Variants in AHCYL1 observed in about 807,000 individuals in gnomAD.
The protein encoded by AHCYL1 is adenosylhomocysteinase like 1, also known as S-adenosylhomocysteine hydrolase-like protein 1.
Under a neutral mutation model 79.3 loss-of-function variants are expected in AHCYL1, and 20 were observed. The observed-to-expected ratio is 0.25, with a 90% CI of 0.18 to 0.37. The LOEUF is 0.37. Ranked by LOEUF, AHCYL1 falls within the 10% of genes least tolerant of loss-of-function variation. The pLI, the probability that AHCYL1 is intolerant of heterozygous loss-of-function variation, is 1.00. For missense variants in AHCYL1, 330 were observed against 673.6 expected (o/e 0.49, Z 5.65); for synonymous variants, 223 against 242.2 (o/e 0.92, Z 0.74).
At chr1:110,010,225 G>C (rs2101726006) in intron 2 of AHCYL1, among the ~76,000 whole-genome samples, 1 of 152,308 alleles carries the variant, frequency 6.6e-6, no homozygotes, top group East Asian at 1.9e-4. Context: ...AAATGTATTA[G>C]AGCCTTTTAA....
At position 109,997,929 on chromosome 1, in the gene AHCYL1, C is replaced by T. The variant is rs118076104; in HGVS notation, c.121-11105C>T. Among the ~76,000 whole-genome samples the T allele has an allele frequency of 6.1e-4, 93 of 152,282 alleles. 1 individual carries two copies. Among genetic ancestry groups the T allele is most frequent in the East Asian group, 4.6e-3 (24 of 5,182 alleles). On this transcript the variant is annotated intron_variant, in intron 1 of 16. Transcript: ENST00000369799. ...TAGCTGAATAAGGGCTGTGTTCAGG[C>T]TAAACTTGTATAAACTCATCTCATT...
At chr1:109,999,750 T>G (rs943845913) in intron 1 of AHCYL1, among the ~76,000 whole-genome samples, 10 of 152,112 alleles carry the variant, frequency 6.6e-5, no homozygotes, top group Non-Finnish European at 1.3e-4. Flanking sequence ...ATACAACATT[T>G]ATTTTATTTT....
chr1:110,018,011 G>T lies in AHCYL1; in HGVS notation c.1118G>T (p.Cys373Phe). ...CGGCAAGTCGATGTCGTAATAACTT[G>T]CACAGGTAAATAACTTGCATAGAGA... ...VIRQVDVVIT[C>F]TGNKNVVTRE... Residue 373 changes from cysteine to phenylalanine, a missense_variant, in exon 11 of 17, where the codon TGC becomes TTC. By Grantham distance (205) the Cys-to-Phe change is radical. Around this residue, in one of 6 missense-constraint regions of AHCYL1, gnomAD observed 119 missense variants for 293.3 expected, o/e 0.41. Coordinates refer to ENST00000369799, the MANE Select transcript of AHCYL1 (RefSeq NM_006621.7). 6.2e-7 allele frequency: 1 copy of T among 1,614,166 alleles called. No individual in the cohort carries two copies. Among genetic ancestry groups the T allele is most frequent in the Non-Finnish European group, 8.5e-7 (1 of 1,180,018 alleles).
chr1:110,005,612 T>C (rs1238428240), intron 1 of AHCYL1, among the ~76,000 whole-genome samples: 1 of 152,210 alleles, frequency 6.6e-6, no homozygotes, highest in African/African-American at 2.4e-5. Context: ...TAAAATGTTG[T>C]AGTGGAATTC....
chr1:110,010,068 A>T (rs1650923074), intron 2 of AHCYL1, among the ~76,000 whole-genome samples: 1 of 152,246 alleles, frequency 6.6e-6, no homozygotes, highest in Non-Finnish European at 1.5e-5. Context: ...AGTGACAGAT[A>T]AAAAGTGGTG....
intron 15 of AHCYL1, among the ~76,000 whole-genome samples, 164 bp downstream of exon 15, chr1:110,019,790 T>G (rs1651674377): frequency 6.6e-6 from 1 of 152,230 alleles, no homozygotes; most frequent in Non-Finnish European, 1.5e-5. Context: ...CTCAGTTTCT[T>G]GATTGGTAAA....
In AHCYL1 at chr1:109,992,918, C is replaced by A. The variant is rs1162321344; in HGVS notation, c.120+7746C>A. Among the ~76,000 whole-genome samples the A allele has an allele frequency of 1.3e-5, 2 of 152,190 alleles. 1 individual carries two copies. The highest frequency in any genetic ancestry group is 3.8e-4 in the East Asian group (2 of 5,206). ...GCCAGGCCTCCAAGCCACAGCATCT[C>A]TTTTCATTACAAGTCCACAAACTGC... On this transcript the variant is annotated intron_variant, in intron 1 of 16. Coordinates refer to ENST00000369799, the MANE Select transcript of AHCYL1 (RefSeq NM_006621.7).
intron 1 of AHCYL1, among the ~76,000 whole-genome samples, chr1:109,989,408 G>A (rs114501952): frequency 0.03 from 4,541 of 151,956 alleles, 235 homozygotes; most frequent in African/African-American, 0.1. Context: ...TATAGAGATG[G>A]GGAAATCCCT....
Position 110,018,484 on chromosome 1 carries a change from T to A in AHCYL1, c.1218+17T>A, listed in dbSNP as rs1421346641. ...ATCGATGTGGTAAGGCTTCTCTCAT[T>A]TGTTGCTAGGCATTTCTCTACTACC... is the stretch of plus-strand genomic sequence containing the variant. On this transcript the variant is annotated intron_variant, in intron 12 of 16. Transcript: ENST00000369799. The A allele has an allele frequency of 6.2e-7, 1 of 1,613,930 alleles. No individual in the cohort carries two copies.
intron 3 of AHCYL1, among the ~76,000 whole-genome samples, chr1:110,011,940 GA>G (rs1651061075): frequency 6.6e-6 from 1 of 152,226 alleles, no homozygotes; most frequent in South Asian, 2.1e-4. Flanking sequence ...CAAACAGACT[GA>G]CAGGACATGG....
chr1:109,995,158 G>A (rs1037120511), intron 1 of AHCYL1, among the ~76,000 whole-genome samples: 3 of 152,176 alleles, frequency 2.0e-5, no homozygotes, highest in Non-Finnish European at 2.9e-5. Flanking sequence ...AAATCATAAA[G>A]TTTAGAAGGA....
At chr1:110,016,846 A>T in intron 9 of AHCYL1, 116 bp downstream of exon 9, 1 of 1,125,574 alleles carries the variant, frequency 8.9e-7, no homozygotes, top group Non-Finnish European at 1.3e-6. Flanking sequence ...ATTTTTTTAG[A>T]TAATGTATCT....
At chr1:109,991,840 G>A (rs3754444) in intron 1 of AHCYL1, among the ~76,000 whole-genome samples, 27,104 of 152,214 alleles carry the variant, frequency 0.18, 2,965 homozygotes, top group South Asian at 0.46. Flanking sequence ...GAATGAAGCC[G>A]TTCATACTGA....
Position 109,984,802 on chromosome 1 carries a change from C to A in AHCYL1, c.-251C>A. 1 of 376,454 alleles carries A rather than the reference C, an allele frequency of 2.7e-6. No individual in the cohort carries two copies. Among genetic ancestry groups the A allele is most frequent in the Non-Finnish European group, 4.4e-6 (1 of 229,406 alleles). 23.3% of individuals were successfully genotyped at this position (376,454 alleles called of 1,614,324 possible). A position where few individuals can be genotyped will look rare whatever the true frequency, so the allele number is the denominator to read the frequency against. Reference sequence around the variant, plus strand: ...TGTTTGCGTACAGCGGAGGTGGCGGCGCGGGCAGGTCGGAGCTCGGAGCTG... The same window carrying A: ...TGTTTGCGTACAGCGGAGGTGGCGGAGCGGGCAGGTCGGAGCTCGGAGCTG... On this transcript the variant is annotated 5_prime_UTR_variant, in exon 1 of 17. Transcript: ENST00000369799.
In AHCYL1 at chr1:109,984,869, C is replaced by G. The variant is rs916842529; in HGVS notation, c.-184C>G. 2.0e-6 allele frequency: 2 copies of G among 1,017,056 alleles called. No individual in the cohort carries two copies. Among genetic ancestry groups the G allele is most frequent in the Non-Finnish European group, 2.5e-6 (2 of 784,828 alleles). 63.0% of individuals were successfully genotyped at this position (1,017,056 alleles called of 1,614,324 possible). On this transcript the variant is annotated 5_prime_UTR_variant, in exon 1 of 17. Transcript: ENST00000369799. ...GTGGCCGCCGTCGCTGTCCGGCTGC[C>G]TTGGGCTGCCGAACAGACAAGGCGT...
chr1:110,008,964 TC>T, intron 1 of AHCYL1, 69 bp from the exon 2 acceptor site: 2 of 1,235,648 alleles, frequency 1.6e-6, no homozygotes, highest in Non-Finnish European at 2.3e-6. Context: ...AGACAATGTA[TC>T]CTTAAAAAAA....
chr1:109,985,089 G>T lies in AHCYL1; in HGVS notation c.37G>T (p.Gly13Trp). 1 of 1,608,470 alleles carries T rather than the reference G, an allele frequency of 6.2e-7. No individual in the cohort carries two copies. ...TGACGCGATGCCGCTGCCCGGGGTCGGGGAGGAGCTGAAGCAGGCCAAGGA... is the reference window on the plus strand; with the variant it reads ...TGACGCGATGCCGCTGCCCGGGGTCTGGGAGGAGCTGAAGCAGGCCAAGGA... ...MPDAMPLPGVGEELKQAKEIE... is the reference protein window; with the variant it reads ...MPDAMPLPGVWEELKQAKEIE... Residue 13 changes from glycine to tryptophan, a missense_variant, in exon 1 of 17, where the codon GGG becomes TGG. This residue lies in a region of AHCYL1 where 66 missense variants were observed against 68.0 expected (regional missense o/e 0.97). Coordinates refer to ENST00000369799, the MANE Select transcript of AHCYL1 (RefSeq NM_006621.7).
intron 1 of AHCYL1, among the ~76,000 whole-genome samples, chr1:109,992,139 T>C (rs1340645303): frequency 1.3e-5 from 2 of 152,026 alleles, no homozygotes; most frequent in Admixed American, 6.5e-5. Context: ...CTGGGCCCAG[T>C]GGCTCACGCC....
intron 11 of AHCYL1, 133 bp downstream of exon 11, chr1:110,018,149 T>C: frequency 9.2e-7 from 1 of 1,087,698 alleles, no homozygotes; most frequent in Non-Finnish European, 1.3e-6. Flanking sequence ...TATCAGAACC[T>C]TAACATGTTT....
Sources: gnomAD v4.1 joint callset for allele counts (sites outside exome capture counted in the v4.1 genomes callset) on GRCh38, gnomAD v4.1.1 for gene constraint, gnomAD v4.1.1 regional missense constraint, MANE v1.5 for transcripts, NCBI Gene and HGNC (gene_info 2026-07-23, HGNC 2026-07-21) for gene names.